Variants in E2F5 observed in about 807,000 individuals in gnomAD.
The protein encoded by E2F5 is transcription factor E2F5.
A neutral mutation model predicts 39.1 loss-of-function variants in E2F5; 23 were observed. That is an observed-to-expected ratio of 0.59 (90% confidence interval 0.42 to 0.83). The LOEUF is 0.83. Ranked by LOEUF, E2F5 falls within the 40% of genes least tolerant of loss-of-function variation. The pLI, the probability that E2F5 is intolerant of heterozygous loss-of-function variation, is 0.00. For missense variants in E2F5, 365 were observed against 406.7 expected (o/e 0.90, Z 0.88); for synonymous variants, 145 against 157.8 (o/e 0.92, Z 0.61).
At chr8:85,194,007 A>G (rs1489187938) in intron 1 of E2F5, among the ~76,000 whole-genome samples, 8 of 152,198 alleles carry the variant, frequency 5.3e-5, no homozygotes, top group Middle Eastern at 3.2e-3. Context: ...TTAACTCATT[A>G]AAAGTTTGAA....
intron 7 of E2F5, 118 bp from the exon 8 acceptor site, chr8:85,213,635 C>A: frequency 7.4e-6 from 3 of 407,110 alleles, no homozygotes; most frequent in African/African-American, 2.2e-5. Context: ...GAGAATATTT[C>A]AAAATACACA....
chr8:85,178,267 G>T (rs776783534), intron 1 of E2F5: 1 of 152,112 alleles, frequency 6.6e-6, no homozygotes, highest in Non-Finnish European at 1.5e-5. Context: ...TAGTTAGGAG[G>T]GGTATTTGAT....
intron 7 of E2F5, chr8:85,213,329 C>T (rs1812987148): frequency 1.3e-5 from 2 of 152,768 alleles, no homozygotes; most frequent in African/African-American, 4.8e-5. Flanking sequence ...CGAATCACGT[C>T]AGGAGATCGA....
chr8:85,212,342 CACTT>C, intron 7 of E2F5, 138 bp downstream of exon 7: 1 of 640,344 alleles, frequency 1.6e-6, no homozygotes, highest in East Asian at 2.9e-5. Flanking sequence ...TCTCCCTTAA[CACTT>C]ACAGTAAGTA....
At chr8:85,183,972 T>C (rs1243648307) in intron 1 of E2F5, among the ~76,000 whole-genome samples, 2 of 152,064 alleles carry the variant, frequency 1.3e-5, no homozygotes, top group African/African-American at 2.4e-5. Flanking sequence ...CCTCAGATGC[T>C]GCCACCCAGA....
intron 1 of E2F5, among the ~76,000 whole-genome samples, chr8:85,194,084 G>A (rs1163238257): frequency 1.3e-5 from 2 of 151,778 alleles, no homozygotes; most frequent in East Asian, 1.9e-4. Context: ...GTTTTATTTT[G>A]TGGTTTTATG....
At chr8:85,211,597 C>A (rs985806187) in intron 6 of E2F5, among the ~76,000 whole-genome samples, 7 of 143,650 alleles carry the variant, frequency 4.9e-5, no homozygotes, top group African/African-American at 1.6e-4. Flanking sequence ...AAACTACTGA[C>A]TAAAACTGAG....
intron 7 of E2F5, 185 bp from the exon 8 acceptor site, chr8:85,213,568 A>AT (rs1813004058): frequency 1.0e-5 from 3 of 300,142 alleles, no homozygotes; most frequent in African/African-American, 8.1e-5. Flanking sequence ...AAAAGAAAAA[A>AT]TTAACTTCTG....
chr8:85,194,323 T>C (rs895124060), intron 1 of E2F5, among the ~76,000 whole-genome samples: 1 of 152,132 alleles, frequency 6.6e-6, no homozygotes, highest in Non-Finnish European at 1.5e-5. Flanking sequence ...CAAATCATAG[T>C]TCATATTCAC....
chr8:85,209,022 CTTTA>C (rs2129751079), intron 5 of E2F5, 116 bp from the exon 6 acceptor site: 3 of 1,034,190 alleles, frequency 2.9e-6, no homozygotes, highest in South Asian at 1.7e-5. Context: ...GACTTAATGA[CTTTA>C]TTGTGTTATG....
intron 1 of E2F5, among the ~76,000 whole-genome samples, chr8:85,194,842 A>T (rs1352033242): frequency 6.7e-6 from 1 of 150,146 alleles, no homozygotes; most frequent in Non-Finnish European, 1.5e-5. Context: ...CCTGTTATTT[A>T]TTATTATTAT....
At chr8:85,181,573 T>G (rs574050584) in intron 1 of E2F5, among the ~76,000 whole-genome samples, 2 of 148,170 alleles carry the variant, frequency 1.3e-5, no homozygotes, top group Admixed American at 1.3e-4. Context: ...TCTTCTGACC[T>G]CGTGATCCTC....
chr8:85,183,679 G>A (rs531935088), intron 1 of E2F5, among the ~76,000 whole-genome samples: 7 of 152,292 alleles, frequency 4.6e-5, no homozygotes, highest in Admixed American at 2.6e-4. Context: ...TTCCACTTAC[G>A]TGAGGTACCT....
At chr8:85,193,521 C>T (rs553026159) in intron 1 of E2F5, among the ~76,000 whole-genome samples, 6 of 152,086 alleles carry the variant, frequency 3.9e-5, no homozygotes, top group Non-Finnish European at 8.8e-5. Context: ...CTATTTTAAG[C>T]GAACAGTTAA....
At chr8:85,207,515 T>A in intron 5 of E2F5, 26 bp downstream of exon 5, 1 of 1,528,988 alleles carries the variant, frequency 6.5e-7, no homozygotes, top group Non-Finnish European at 8.8e-7. Context: ...TATGTTTATA[T>A]AAGTGGGAAA....
At chr8:85,213,671 A>C in intron 7 of E2F5, 82 bp from the exon 8 acceptor site, 1 of 678,322 alleles carries the variant, frequency 1.5e-6, no homozygotes, top group Non-Finnish European at 2.6e-6. Flanking sequence ...ATTTGGAATG[A>C]TGTATTTGAG....
At chr8:85,187,248 G>A (rs1812361944) in intron 1 of E2F5, among the ~76,000 whole-genome samples, 1 of 152,138 alleles carries the variant, frequency 6.6e-6, no homozygotes, top group African/African-American at 2.4e-5. Flanking sequence ...CCTGGAGAAT[G>A]TTCTGTGTGC....
intron 1 of E2F5, among the ~76,000 whole-genome samples, chr8:85,184,939 A>G (rs1203126564): frequency 6.6e-6 from 1 of 152,226 alleles, no homozygotes; most frequent in Non-Finnish European, 1.5e-5. Flanking sequence ...CATACTGCCC[A>G]AAGTAATTTA....
intron 6 of E2F5, among the ~76,000 whole-genome samples, chr8:85,209,811 T>C (rs528122379): frequency 1.3e-5 from 2 of 152,330 alleles, no homozygotes; most frequent in East Asian, 3.9e-4. Flanking sequence ...ATTAGTGAAA[T>C]ATGTTCCAAC....
Sources: gnomAD v4.1 joint callset for allele counts (sites outside exome capture counted in the v4.1 genomes callset) on GRCh38, gnomAD v4.1.1 for gene constraint, MANE v1.5 for transcripts, NCBI Gene and HGNC (gene_info 2026-07-23, HGNC 2026-07-21) for gene names.